The following DRC11 variants were observed in gnomAD, a reference collection of about 807,000 sequenced individuals.
The protein encoded by DRC11 is IQ and AAA domain-containing protein 1.
the DRC11 span, among the ~76,000 whole-genome samples, chr2:236,358,144 AAT>A: frequency 4.6e-5 from 4 of 87,696 alleles, no homozygotes; most frequent in South Asian, 3.1e-4. Flanking sequence ...ATAATATATA[AAT>A]AGATATATAC....
chr2:236,329,460 C>A, the DRC11 span, among the ~76,000 whole-genome samples: 1 of 152,212 alleles, frequency 6.6e-6, no homozygotes, highest in Non-Finnish European at 1.5e-5. Context: ...GACTTACTAT[C>A]ATCGTTATCA....
the DRC11 span, among the ~76,000 whole-genome samples, chr2:236,347,764 T>A: frequency 6.6e-6 from 1 of 151,650 alleles, no homozygotes; most frequent in African/African-American, 2.4e-5. Context: ...TGTATACTGT[T>A]CAGGTGATGG....
At chr2:236,377,251 T>A in the DRC11 span, 1 of 938,550 alleles carries the variant, frequency 1.1e-6, no homozygotes, top group South Asian at 1.4e-5. The surrounding 1 kb of genome is among the most constrained non-coding windows in gnomAD (Gnocchi z 4.9). Flanking sequence ...TTTCTGTTAA[T>A]GATCACATAC....
chr2:236,429,784 G>A, the DRC11 span, among the ~76,000 whole-genome samples: 1 of 152,284 alleles, frequency 6.6e-6, no homozygotes, highest in African/African-American at 2.4e-5. This position sits in a 1 kb window ranked among gnomAD's most constrained non-coding sequence, Gnocchi z 5.9. Flanking sequence ...GGCTCCAGTG[G>A]GGGACAGGTA....
chr2:236,389,669 G>A, the DRC11 span, among the ~76,000 whole-genome samples: 2 of 152,104 alleles, frequency 1.3e-5, no homozygotes, highest in African/African-American at 4.8e-5. Context: ...GTTCCTATTC[G>A]GCCATCTTGG....
the DRC11 span, among the ~76,000 whole-genome samples, chr2:236,326,182 T>C: frequency 6.6e-6 from 1 of 152,258 alleles, no homozygotes. Flanking sequence ...TAGGAGTTTA[T>C]TAGTTAATAA....
the DRC11 span, among the ~76,000 whole-genome samples, chr2:236,312,581 G>A: frequency 6.6e-6 from 1 of 151,950 alleles, no homozygotes; most frequent in Non-Finnish European, 1.5e-5. Flanking sequence ...AATTGTATAG[G>A]TCTAAATCTA....
chr2:236,307,022 G>A, the DRC11 span, among the ~76,000 whole-genome samples: 1 of 152,152 alleles, frequency 6.6e-6, no homozygotes, highest in Non-Finnish European at 1.5e-5. This position sits in a 1 kb window ranked among gnomAD's most constrained non-coding sequence, Gnocchi z 7.0. Flanking sequence ...AGGAGGGATG[G>A]GGCGGGGTGA....
chr2:236,377,236 C>G, the DRC11 span: 1 of 1,164,336 alleles, frequency 8.6e-7, no homozygotes, highest in East Asian at 2.4e-5. The surrounding 1 kb of genome is among the most constrained non-coding windows in gnomAD (Gnocchi z 4.9). Context: ...CAGAAATCGG[C>G]GGTATTTCTG....
chr2:236,347,164 T>G, the DRC11 span, among the ~76,000 whole-genome samples: 1 of 152,210 alleles, frequency 6.6e-6, no homozygotes, highest in African/African-American at 2.4e-5. Flanking sequence ...CCTCTCACCC[T>G]TCGTTCTGCT....
the DRC11 span, among the ~76,000 whole-genome samples, chr2:236,380,218 G>T: frequency 2.6e-5 from 4 of 152,202 alleles, no homozygotes; most frequent in African/African-American, 9.6e-5. The surrounding 1 kb of genome is among the most constrained non-coding windows in gnomAD (Gnocchi z 4.9). Flanking sequence ...CCTCAGCAGA[G>T]GCGCTCGGGC....
At chr2:236,454,390 T>G in the DRC11 span, among the ~76,000 whole-genome samples, 14 of 152,164 alleles carry the variant, frequency 9.2e-5, no homozygotes, top group Non-Finnish European at 1.8e-4. This position sits in a 1 kb window ranked among gnomAD's most constrained non-coding sequence, Gnocchi z 5.3. Flanking sequence ...TCATCCCACC[T>G]CTTCCTCCGT....
the DRC11 span, among the ~76,000 whole-genome samples, chr2:236,453,303 G>C: frequency 0.027 from 4,129 of 152,322 alleles, 195 homozygotes; most frequent in African/African-American, 0.094. This position sits in a 1 kb window ranked among gnomAD's most constrained non-coding sequence, Gnocchi z 4.9. Context: ...AAAAGGACAA[G>C]TTTAGGGTCT....
chr2:236,503,062 C>A, the DRC11 span, among the ~76,000 whole-genome samples: 3 of 152,182 alleles, frequency 2.0e-5, no homozygotes, highest in Non-Finnish European at 4.4e-5. The surrounding 1 kb of genome is among the most constrained non-coding windows in gnomAD (Gnocchi z 4.9). Flanking sequence ...ATAAATAAAT[C>A]TAGTAATAAC....
chr2:236,320,806 A>AGC, the DRC11 span, among the ~76,000 whole-genome samples: 1 of 151,514 alleles, frequency 6.6e-6, no homozygotes, highest in Non-Finnish European at 1.5e-5. Context: ...AGGAGTCTAC[A>AGC]GCTCCCTCCG....
the DRC11 span, among the ~76,000 whole-genome samples, chr2:236,463,363 A>T: frequency 6.6e-6 from 1 of 152,206 alleles, no homozygotes; most frequent in South Asian, 2.1e-4. The surrounding 1 kb of genome is among the most constrained non-coding windows in gnomAD (Gnocchi z 5.0). Context: ...ACAGTACAGA[A>T]TTTACACAAC....
chr2:236,331,677 G>T, the DRC11 span: 1 of 1,051,828 alleles, frequency 9.5e-7, no homozygotes, highest in Non-Finnish European at 1.4e-6. The surrounding 1 kb of genome is among the most constrained non-coding windows in gnomAD (Gnocchi z 4.8). Context: ...GTTGAAAGTT[G>T]CATCTCATCA....
At chr2:236,425,188 A>T in the DRC11 span, among the ~76,000 whole-genome samples, 1 of 151,956 alleles carries the variant, frequency 6.6e-6, no homozygotes, top group African/African-American at 2.4e-5. Flanking sequence ...CAGTAGTGGG[A>T]TTGCTGGATC....
At chr2:236,336,722 C>G in the DRC11 span, among the ~76,000 whole-genome samples, 1 of 152,174 alleles carries the variant, frequency 6.6e-6, no homozygotes, top group Non-Finnish European at 1.5e-5. This position sits in a 1 kb window ranked among gnomAD's most constrained non-coding sequence, Gnocchi z 7.3. Flanking sequence ...TCCCCTCCAC[C>G]ATCTGTAACA....
Sources: gnomAD v4.1 joint callset for allele counts (sites outside exome capture counted in the v4.1 genomes callset) on GRCh38, gnomAD v4.1.1 for gene constraint, Gnocchi (gnomAD v3.1) non-coding constraint, MANE v1.5 for transcripts, NCBI Gene and HGNC (gene_info 2026-07-23, HGNC 2026-07-21) for gene names.